The following TENM3 variants were observed in gnomAD, a reference collection of about 807,000 sequenced individuals.
TENM3 encodes the protein teneurin transmembrane protein 3.
In TENM3, 63 loss-of-function variants were observed where a neutral mutation model predicts 255.1. That is an observed-to-expected ratio of 0.25 (90% CI 0.20 to 0.30). The LOEUF is 0.30. TENM3 is among the 10% of genes least tolerant of loss of function. TENM3 has a pLI of 1.00. For missense variants in TENM3, 2,929 were observed against 3,461.1 expected, an observed-to-expected ratio of 0.85 and a Z score of 3.86; for synonymous variants, 1,306 against 1,322.3, an observed-to-expected ratio of 0.99 and a Z score of 0.27.
rs549521375 is a variant in TENM3 at position 182,446,385 on chromosome 4, A to C, written c.511+99456A>C. On this transcript the variant is annotated intron_variant, in intron 3 of 27. Transcript: ENST00000511685. ...AATGGAAATTTTAATAAATGCTATC[A>C]ATCAGTGACCAATTTACATAGCATT... Among the ~76,000 whole-genome samples the C allele has an allele frequency of 3.9e-5, 6 of 152,350 alleles. No homozygotes were observed. In the East Asian group the frequency reaches 9.6e-4, roughly 24 times the overall value.
chr4:182,573,691 G>A (rs561621072), intron 3 of TENM3, among the ~76,000 whole-genome samples: 1 of 152,304 alleles, frequency 6.6e-6, no homozygotes, highest in South Asian at 2.1e-4. Context: ...GGGTACTAGA[G>A]AGACAGAGAA....
Position 182,271,541 on chromosome 4 carries a change from C to T in TENM3, c.-76+28065C>T, listed in dbSNP as rs79264257. 9.9e-3 allele frequency among the ~76,000 whole-genome samples: 1,510 copies of T among 152,206 alleles called. 22 individuals carry two copies. Among genetic ancestry groups the T allele is most frequent in the African/African-American group, 0.034 (1,394 of 41,510 alleles). On this transcript the variant is annotated intron_variant, in intron 1 of 27. Transcript: ENST00000511685. ...GACATGTCCTTGAAAATTATTTTGC[C>T]TAGTTTTCACCTGAGTTAAGAAGGA... is the stretch of plus-strand genomic sequence containing the variant.
chr4:181,794,505 T>A, the TENM3 span, among the ~76,000 whole-genome samples: 1 of 152,164 alleles, frequency 6.6e-6, no homozygotes, highest in African/African-American at 2.4e-5. Flanking sequence ...GAATTTGACT[T>A]TTTTAGATTC....
intron 22 of TENM3, among the ~76,000 whole-genome samples, chr4:182,770,428 G>A (rs1247874262): frequency 1.3e-5 from 2 of 152,036 alleles, no homozygotes; most frequent in Admixed American, 6.6e-5. Flanking sequence ...TGCCTCAGCC[G>A]GGCCCCTGCA....
intron 3 of TENM3, among the ~76,000 whole-genome samples, chr4:182,560,933 G>A (rs952301216): frequency 2.0e-5 from 3 of 152,146 alleles, no homozygotes; most frequent in East Asian, 3.8e-4. Context: ...ACATATGTAC[G>A]TATTTTAGAA....
chr4:182,710,892 G>T (rs751423476), intron 12 of TENM3, among the ~76,000 whole-genome samples: 1 of 152,150 alleles, frequency 6.6e-6, no homozygotes, highest in South Asian at 2.1e-4. Context: ...GTGGACAGGG[G>T]CAGGTACAGG....
chr4:182,781,392 T>C (rs1430741278), intron 24 of TENM3, among the ~76,000 whole-genome samples: 2 of 148,058 alleles, frequency 1.4e-5, no homozygotes, highest in African/African-American at 2.5e-5. Flanking sequence ...CAGCCTTGCA[T>C]CCCAGGGATG....
chr4:182,052,581 T>G, the TENM3 span, among the ~76,000 whole-genome samples: 1 of 152,182 alleles, frequency 6.6e-6, no homozygotes. Context: ...TTCTTCACCC[T>G]TCAGTGCTTT....
chr4:181,743,335 C>T, the TENM3 span, among the ~76,000 whole-genome samples: 1 of 152,120 alleles, frequency 6.6e-6, no homozygotes, highest in South Asian at 2.1e-4. Flanking sequence ...TCTCCAGCAC[C>T]TGTTGTTTCC....
intron 3 of TENM3, among the ~76,000 whole-genome samples, chr4:182,378,973 G>A (rs10021816): frequency 0.23 from 35,347 of 152,022 alleles, 4,221 homozygotes; most frequent in Middle Eastern, 0.29. Flanking sequence ...CAGAAGGTGC[G>A]TACCGTGGCC....
intron 12 of TENM3, among the ~76,000 whole-genome samples, chr4:182,689,490 T>C (rs992264799): frequency 1.3e-5 from 2 of 152,122 alleles, no homozygotes; most frequent in Non-Finnish European, 2.9e-5. Context: ...GTTTCAAGGG[T>C]CCCACCACGC....
intron 3 of TENM3, among the ~76,000 whole-genome samples, chr4:182,411,303 T>C (rs2151082388): frequency 6.6e-6 from 1 of 152,370 alleles, no homozygotes; most frequent in South Asian, 2.1e-4. Context: ...AGGTATTTCA[T>C]GGAGAGTTTT....
the TENM3 span, among the ~76,000 whole-genome samples, chr4:181,996,286 G>GGCAGA: frequency 3.9e-3 from 588 of 152,290 alleles, 2 homozygotes; most frequent in Non-Finnish European, 4.5e-3. Context: ...GGCTGGTGGG[G>GGCAGA]GCAGAGACAG....
chr4:181,937,001 G>A, the TENM3 span, among the ~76,000 whole-genome samples: 3 of 152,174 alleles, frequency 2.0e-5, no homozygotes, highest in Non-Finnish European at 2.9e-5. Flanking sequence ...GTAACAAGTG[G>A]GGAGAATGCC....
chr4:181,884,424 C>G, the TENM3 span, among the ~76,000 whole-genome samples: 2 of 151,988 alleles, frequency 1.3e-5, no homozygotes, highest in African/African-American at 2.4e-5. Context: ...TTCATCATCC[C>G]AGATGGAAAC....
At chr4:181,683,997 C>T in the TENM3 span, among the ~76,000 whole-genome samples, 3 of 152,278 alleles carry the variant, frequency 2.0e-5, no homozygotes, top group Admixed American at 6.5e-5. Context: ...ATACCCACCA[C>T]GGGGAAGCAT....
At chr4:182,387,605 C>T (rs1768052025) in intron 3 of TENM3, among the ~76,000 whole-genome samples, 1 of 152,088 alleles carries the variant, frequency 6.6e-6, no homozygotes, top group Non-Finnish European at 1.5e-5. Flanking sequence ...CTGTAACACT[C>T]GCCACGAAGA....
At chr4:181,499,868 G>C in the TENM3 span, among the ~76,000 whole-genome samples, 1 of 152,132 alleles carries the variant, frequency 6.6e-6, no homozygotes, top group Non-Finnish European at 1.5e-5. Context: ...AATCTTTCAG[G>C]CCGAAGAAAG....
intron 3 of TENM3, among the ~76,000 whole-genome samples, chr4:182,577,326 G>A (rs924241167): frequency 4.3e-4 from 65 of 152,260 alleles, no homozygotes; most frequent in African/African-American, 1.5e-3. Flanking sequence ...GACTCATACT[G>A]GAATTCCTAG....
Sources: gnomAD v4.1 joint callset for allele counts (sites outside exome capture counted in the v4.1 genomes callset) on GRCh38, gnomAD v4.1.1 for gene constraint, MANE v1.5 for transcripts, NCBI Gene and HGNC (gene_info 2026-07-23, HGNC 2026-07-21) for gene names.